PRKD1: variants seen among roughly 807,000 people sequenced by gnomAD.
PRKD1 encodes the protein protein kinase D1, also known as serine/threonine-protein kinase D1.
Under a neutral mutation model 95.9 loss-of-function variants are expected in PRKD1, and 63 were observed. The observed-to-expected ratio is 0.66, with a 90% CI of 0.54 to 0.81. PRKD1 has a LOEUF of 0.81. PRKD1 is among the 30% of genes least tolerant of loss of function. The probability of loss-of-function intolerance (pLI) is 0.00; values close to 1 mark genes in which losing one functional copy is unlikely to be tolerated. For synonymous variants in PRKD1, 425 were observed against 423.1 expected (o/e 1.00, Z -0.05); for missense variants, 1,048 against 1,165.3 (o/e 0.90, Z 1.47).
At chr14:29,706,734 TC>T (rs1885110357) in intron 2 of PRKD1, among the ~76,000 whole-genome samples, 1 of 152,138 alleles carries the variant, frequency 6.6e-6, no homozygotes, top group South Asian at 2.1e-4. Flanking sequence ...AATTAGGTAA[TC>T]ATGGTCCCTT....
intron 4 of PRKD1, among the ~76,000 whole-genome samples, chr14:29,661,622 G>A (rs1469881689): frequency 2.0e-5 from 3 of 152,068 alleles, no homozygotes; most frequent in Non-Finnish European, 4.4e-5. Flanking sequence ...TAAAAACAAA[G>A]ACAAGTAGGC....
chr14:29,648,296 A>AT (rs3065239), intron 4 of PRKD1, among the ~76,000 whole-genome samples: 67,843 of 144,824 alleles, frequency 0.47, 16,779 homozygotes, highest in African/African-American at 0.66. Context: ...GAGCACCACA[A>AT]TTTTTTTTTT....
intron 11 of PRKD1, among the ~76,000 whole-genome samples, chr14:29,628,370 T>C (rs1307192025): frequency 6.6e-6 from 1 of 152,054 alleles, no homozygotes; most frequent in Non-Finnish European, 1.5e-5. Flanking sequence ...CAGGAGGAGG[T>C]AGAAAAGGCC....
At chr14:29,716,538 T>G (rs750920242) in intron 2 of PRKD1, among the ~76,000 whole-genome samples, 2 of 152,032 alleles carry the variant, frequency 1.3e-5, no homozygotes, top group Non-Finnish European at 2.9e-5. Flanking sequence ...GACTCTGAAA[T>G]AGAAAGGCCA....
chr14:29,778,633 G>A (rs1677935165), intron 1 of PRKD1, among the ~76,000 whole-genome samples: 1 of 152,168 alleles, frequency 6.6e-6, no homozygotes, highest in African/African-American at 2.4e-5. Context: ...CTCTGAAATT[G>A]AGGCAATAAT....
intron 1 of PRKD1, among the ~76,000 whole-genome samples, chr14:29,848,874 A>G (rs191078288): frequency 6.6e-6 from 1 of 152,350 alleles, no homozygotes; most frequent in East Asian, 1.9e-4. Context: ...CAGTGAAACC[A>G]AAGTTGGTTC....
chr14:29,927,300 G>A lies in PRKD1; in HGVS notation c.213C>T (p.Asp71=). The part of the protein sequence containing the change: ...PVLLLQDSSG[D]YSLAHVREMA... ...TCTCGCGGACGTGCGCCAGGCTGTAGTCCCCGGACGAGTCCTGCAGCAGCA... is the reference window on the plus strand; with the variant it reads ...TCTCGCGGACGTGCGCCAGGCTGTAATCCCCGGACGAGTCCTGCAGCAGCA... The change falls in exon 1 of 18, where the codon GAC becomes GAT. Residue 71 remains aspartate (D), a synonymous_variant. Transcript: ENST00000331968. The A allele has an allele frequency of 6.5e-7, 1 of 1,547,856 alleles. No individual in the cohort carries two copies. The highest frequency in any genetic ancestry group is 8.7e-7 in the Non-Finnish European group (1 of 1,148,816).
chr14:29,765,029 C>G (rs1232941340), intron 1 of PRKD1, among the ~76,000 whole-genome samples: 3 of 152,004 alleles, frequency 2.0e-5, no homozygotes, highest in Non-Finnish European at 4.4e-5. Context: ...ACTAAAACCC[C>G]CAAAGAAACT....
At chr14:29,722,620 T>C (rs1331601814) in intron 2 of PRKD1, among the ~76,000 whole-genome samples, 1 of 152,192 alleles carries the variant, frequency 6.6e-6, no homozygotes, top group Non-Finnish European at 1.5e-5. Context: ...ACCTCATATC[T>C]ATGGATAACA....
At chr14:29,762,298 A>G (rs949124597) in intron 1 of PRKD1, among the ~76,000 whole-genome samples, 50 of 152,124 alleles carry the variant, frequency 3.3e-4, no homozygotes, top group Middle Eastern at 3.2e-3. Context: ...CATACTACCT[A>G]TTACTATAGA....
chr14:29,646,712 G>A (rs1180233084), intron 4 of PRKD1, among the ~76,000 whole-genome samples: 5 of 150,184 alleles, frequency 3.3e-5, no homozygotes, highest in Admixed American at 6.6e-5. Context: ...TGCTCAGTCC[G>A]AGGCTACTTT....
At chr14:29,903,263 G>A (rs774352343) in intron 1 of PRKD1, among the ~76,000 whole-genome samples, 2 of 152,146 alleles carry the variant, frequency 1.3e-5, no homozygotes, top group African/African-American at 2.4e-5. Flanking sequence ...AACCAGCCTC[G>A]AAACGGGCTA....
chr14:29,895,435 A>G (rs1057076743), intron 1 of PRKD1, among the ~76,000 whole-genome samples: 1 of 152,122 alleles, frequency 6.6e-6, no homozygotes, highest in Non-Finnish European at 1.5e-5. Flanking sequence ...TTCCTATAAG[A>G]AGCCCCTAGC....
intron 1 of PRKD1, among the ~76,000 whole-genome samples, chr14:29,841,056 T>G (rs1346346848): frequency 3.9e-5 from 6 of 152,352 alleles, no homozygotes; most frequent in Non-Finnish European, 4.4e-5. Flanking sequence ...ATTCTGGACT[T>G]GCATGGGGCC....
chr14:29,646,074 T>C (rs1046066385), intron 4 of PRKD1, among the ~76,000 whole-genome samples: 1 of 152,208 alleles, frequency 6.6e-6, no homozygotes, highest in Non-Finnish European at 1.5e-5. Context: ...TAATTGCTGA[T>C]ATATACATAT....
chr14:29,905,561 A>C (rs1346244704), intron 1 of PRKD1, among the ~76,000 whole-genome samples: 2 of 152,196 alleles, frequency 1.3e-5, no homozygotes, highest in Non-Finnish European at 2.9e-5. Flanking sequence ...CTTTAATAAA[A>C]TCTTGCCAGG....
chr14:29,617,278 G>A (rs1404700617), intron 13 of PRKD1, among the ~76,000 whole-genome samples: 2 of 152,044 alleles, frequency 1.3e-5, no homozygotes, highest in African/African-American at 4.8e-5. Flanking sequence ...CTAACTTTTA[G>A]CCTCAACTGA....
intron 2 of PRKD1, among the ~76,000 whole-genome samples, chr14:29,690,709 C>T (rs1228193040): frequency 6.6e-6 from 1 of 152,228 alleles, no homozygotes; most frequent in African/African-American, 2.4e-5. Context: ...TTAAACTCAT[C>T]TGACTCTTCT....
intron 2 of PRKD1, among the ~76,000 whole-genome samples, chr14:29,678,629 A>G (rs1241006906): frequency 6.6e-6 from 1 of 152,214 alleles, no homozygotes; most frequent in African/African-American, 2.4e-5. Flanking sequence ...TTTCAAACTC[A>G]AATTTCAAAG....
Sources: allele counts gnomAD v4.1 joint callset (sites outside exome capture counted in the v4.1 genomes callset), GRCh38; gene constraint gnomAD v4.1.1; transcripts MANE v1.5; gene names NCBI Gene and HGNC (gene_info 2026-07-23, HGNC 2026-07-21).